LAMC1: variants seen among roughly 807,000 people sequenced by gnomAD.
LAMC1 encodes the protein laminin subunit gamma-1.
LAMC1 carries 38 observed loss-of-function variants against 173.6 expected under a neutral mutation model. The observed-to-expected ratio is 0.22, with a 90% CI of 0.17 to 0.29. LAMC1 has a LOEUF of 0.29. LAMC1 is among the 10% of genes least tolerant of loss of function. The pLI, the probability that LAMC1 is intolerant of heterozygous loss-of-function variation, is 1.00. For synonymous variants in LAMC1, 746 were observed against 749.1 expected (o/e 1.00, Z 0.07); for missense variants, 1,824 against 2,051.8 (o/e 0.89, Z 2.14).
chr1:183,065,944 G>A (rs1437456698), intron 1 of LAMC1, among the ~76,000 whole-genome samples: 2 of 152,088 alleles, frequency 1.3e-5, no homozygotes, highest in South Asian at 2.1e-4. Flanking sequence ...ATAAAATAAG[G>A]TATTACTTTA....
chr1:183,115,691 C>G, intron 6 of LAMC1, 54 bp downstream of exon 6: 1 of 1,134,086 alleles, frequency 8.8e-7, no homozygotes, highest in Non-Finnish European at 1.3e-6. Flanking sequence ...ATAGTCAACA[C>G]ATATTAATAG....
At chr1:183,087,202 G>T (rs1034586210) in intron 1 of LAMC1, among the ~76,000 whole-genome samples, 5 of 152,046 alleles carry the variant, frequency 3.3e-5, no homozygotes, top group African/African-American at 1.2e-4. Flanking sequence ...TAAATTTCAG[G>T]GTATGTTTGT....
chr1:183,030,075 A>G (rs1414851204), intron 1 of LAMC1, among the ~76,000 whole-genome samples: 1 of 152,216 alleles, frequency 6.6e-6, no homozygotes, highest in Non-Finnish European at 1.5e-5. Flanking sequence ...CAGAAGAATA[A>G]TATTTTGTGA....
At chr1:183,137,912 T>C in intron 26 of LAMC1, 85 bp downstream of exon 26, 1 of 1,190,004 alleles carries the variant, frequency 8.4e-7, no homozygotes. Context: ...AGAAGAGTCT[T>C]TTTTATATTG....
At chr1:183,122,594 C>A (rs1354429936) in intron 13 of LAMC1, among the ~76,000 whole-genome samples, 1 of 152,156 alleles carries the variant, frequency 6.6e-6, no homozygotes, top group Non-Finnish European at 1.5e-5. Flanking sequence ...TACCTACTTG[C>A]CATTTCCACT....
In LAMC1 at chr1:183,110,502, G is replaced by A; in HGVS notation, c.869G>A (p.Gly290Glu). The change falls in exon 4 of 28, where the codon GGA (glycine) becomes GAA (glutamate). Residue 290 changes from glycine to glutamate, a missense_variant. Coordinates refer to ENST00000258341, the MANE Select transcript of LAMC1 (RefSeq NM_002293.4). ...TCTCTCCCCAGATGTAAATGTAATGGACACGCAAGCGAGTGTATGAAGAAC... is the reference window on the plus strand; with the variant it reads ...TCTCTCCCCAGATGTAAATGTAATGAACACGCAAGCGAGTGTATGAAGAAC... ...FAVGGRCKCNGHASECMKNEF... is the reference protein window; with the variant it reads ...FAVGGRCKCNEHASECMKNEF... 8 of 1,611,644 alleles carry A rather than the reference G, an allele frequency of 5.0e-6. No individual in the cohort carries two copies. The highest frequency in any genetic ancestry group is 6.8e-6 in the Non-Finnish European group (8 of 1,178,370).
intron 1 of LAMC1, among the ~76,000 whole-genome samples, chr1:183,086,198 T>G (rs1339964324): frequency 6.6e-6 from 1 of 152,236 alleles, no homozygotes; most frequent in Non-Finnish European, 1.5e-5. Context: ...AAGGCTGCCT[T>G]GACTTAACAG....
intron 27 of LAMC1, 49 bp downstream of exon 27, chr1:183,140,552 G>A (rs1558062733): frequency 7.2e-6 from 9 of 1,245,876 alleles, no homozygotes; most frequent in Non-Finnish European, 1.1e-5. Context: ...CTTTTGTACT[G>A]TTCTTAGGAT....
intron 1 of LAMC1, among the ~76,000 whole-genome samples, chr1:183,047,425 G>T (rs1654294042): frequency 6.6e-6 from 1 of 152,138 alleles, no homozygotes; most frequent in Non-Finnish European, 1.5e-5. Context: ...TATCAATTCT[G>T]TGGATCATGC....
chr1:183,136,853 C>A (rs916909586), intron 25 of LAMC1, among the ~76,000 whole-genome samples: 1 of 152,076 alleles, frequency 6.6e-6, no homozygotes, highest in Non-Finnish European at 1.5e-5. Context: ...TCTATAGAGC[C>A]CATTCCCACA....
At position 183,128,645 on chromosome 1, in the gene LAMC1, C is replaced by T. The variant is rs1656691790; in HGVS notation, c.3175C>T (p.Leu1059Phe). 6.2e-7 allele frequency: 1 copy of T among 1,613,542 alleles called. No homozygotes were observed. The highest frequency in any genetic ancestry group is 8.5e-7 in the Non-Finnish European group (1 of 1,179,688). Residue 1059 changes from leucine (L) to phenylalanine (F), a missense_variant, in exon 18 of 28, where the codon CTT becomes TTT. Coordinates refer to ENST00000258341, the MANE Select transcript of LAMC1 (RefSeq NM_002293.4). ...LQELESLIANLGTGDEMVTDQ... is the reference protein window; with the variant it reads ...LQELESLIANFGTGDEMVTDQ... ...GGAATTAGAGAGTCTCATAGCAAAC[C>T]TTGGAACTGGGGATGAGATGGTGAC...
intron 20 of LAMC1, 96 bp from the exon 21 acceptor site, chr1:183,132,292 AAATAATAATAAT>A (rs57729826): frequency 3.0e-6 from 2 of 677,268 alleles, no homozygotes; most frequent in East Asian, 3.2e-5. Flanking sequence ...ACTCCATTTC[AAATAATAATAAT>A]AATAATAATA....
At chr1:183,086,922 A>C (rs1374754003) in intron 1 of LAMC1, among the ~76,000 whole-genome samples, 1 of 152,220 alleles carries the variant, frequency 6.6e-6, no homozygotes, top group Admixed American at 6.5e-5. Flanking sequence ...TAATAGAGAT[A>C]TTTTCAGAAA....
chr1:183,122,183 G>A lies in LAMC1; in HGVS notation c.2333G>A (p.Gly778Asp). 6.2e-7 allele frequency: 1 copy of A among 1,614,188 alleles called. No homozygotes were observed. Among genetic ancestry groups the A allele is most frequent in the Non-Finnish European group, 8.5e-7 (1 of 1,180,028 alleles). Residue 778 changes from glycine (G) to aspartate (D), a missense_variant, in exon 13 of 28, where the codon GGT becomes GAT. Coordinates refer to ENST00000258341, the MANE Select transcript of LAMC1 (RefSeq NM_002293.4). ...TGCCAACCCTGTCCGTGTCCTGGAG[G>A]TTCAAGTTGTGCTGTTGTTCCCAAG... ...SDCQPCPCPG[G>D]SSCAVVPKTK...
At chr1:183,042,380 A>C (rs1654159332) in intron 1 of LAMC1, among the ~76,000 whole-genome samples, 1 of 152,192 alleles carries the variant, frequency 6.6e-6, no homozygotes, top group South Asian at 2.1e-4. Flanking sequence ...ATTATCTGCC[A>C]CCAGAGAGAG....
intron 27 of LAMC1, chr1:183,140,916 G>A (rs1657095560): frequency 6.5e-6 from 1 of 152,780 alleles, no homozygotes; most frequent in Middle Eastern, 3.2e-3. Flanking sequence ...TTATGGTCCA[G>A]TATCATTGTA....
intron 1 of LAMC1, among the ~76,000 whole-genome samples, chr1:183,052,577 C>T (rs957074689): frequency 9.9e-5 from 15 of 152,130 alleles, no homozygotes; most frequent in African/African-American, 2.9e-4. Context: ...TCAGGTAATC[C>T]GCCTGCCTCA....
At chr1:183,024,934 A>T (rs973520205) in intron 1 of LAMC1, among the ~76,000 whole-genome samples, 3 of 152,234 alleles carry the variant, frequency 2.0e-5, no homozygotes, top group Admixed American at 6.5e-5. Context: ...AGGGCAGTGG[A>T]TTGAGGATGG....
chr1:183,025,927 T>G (rs1653674712), intron 1 of LAMC1, among the ~76,000 whole-genome samples: 1 of 152,222 alleles, frequency 6.6e-6, no homozygotes, highest in Non-Finnish European at 1.5e-5. Flanking sequence ...CAGAGGTAGA[T>G]AGATTACTCA....
Sources: gnomAD v4.1 joint callset for allele counts (sites outside exome capture counted in the v4.1 genomes callset) on GRCh38, gnomAD v4.1.1 for gene constraint, MANE v1.5 for transcripts, NCBI Gene and HGNC (gene_info 2026-07-23, HGNC 2026-07-21) for gene names.